The following TRIM71 variants were observed in gnomAD, a reference collection of about 807,000 sequenced individuals.
TRIM71 encodes tripartite motif containing 71, also known as E3 ubiquitin-protein ligase TRIM71.
A neutral mutation model predicts 61.2 loss-of-function variants in TRIM71; 9 were observed. That is an observed-to-expected ratio of 0.15 (90% CI 0.09 to 0.26). The LOEUF (loss-of-function observed/expected upper bound fraction) is 0.26, where lower values mean the gene tolerates loss of function less well. Among genes scored for constraint, TRIM71 ranks in the 10% least tolerant of loss-of-function variants. The pLI is 1.00. For missense variants in TRIM71, 998 were observed against 1,238.7 expected (o/e 0.81, Z 2.92); for synonymous variants, 645 against 553.2 (o/e 1.17, Z -2.33).
At chr3:32,837,484 C>G (rs1696347172) in intron 1 of TRIM71, among the ~76,000 whole-genome samples, 1 of 152,122 alleles carries the variant, frequency 6.6e-6, no homozygotes, top group Admixed American at 6.6e-5. Context: ...GTTGCAATGT[C>G]TTGATGTCCT....
chr3:32,844,099 C>T (rs1293237589), intron 1 of TRIM71, among the ~76,000 whole-genome samples: 1 of 152,136 alleles, frequency 6.6e-6, no homozygotes, highest in Non-Finnish European at 1.5e-5. Flanking sequence ...TTTCTCGCGT[C>T]GTCGTTATTT....
chr3:32,838,230 T>G (rs949847389), intron 1 of TRIM71, among the ~76,000 whole-genome samples: 8 of 152,118 alleles, frequency 5.3e-5, no homozygotes, highest in African/African-American at 1.9e-4. Context: ...TTATTATTAT[T>G]ATATTTTTTT....
rs1358239632 is a variant in TRIM71, at chr3:32,892,209, G to A, written c.*398G>A. ...TGGGAGGGCACTGGATGTGTGTGGT[G>A]GGGTGTATTCTGTAGATTGAGCCAA... is the stretch of plus-strand genomic sequence containing the variant. On this transcript the variant is annotated 3_prime_UTR_variant, in exon 4 of 4. Transcript: ENST00000383763. The A allele has an allele frequency of 1.2e-5, 2 of 173,400 alleles. No homozygotes were observed. Among genetic ancestry groups the A allele is most frequent in the African/African-American group, 2.4e-5 (1 of 41,596 alleles). 10.7% of individuals were successfully genotyped at this position (173,400 alleles called of 1,614,324 possible).
chr3:32,885,533 G>A lies in TRIM71; in HGVS notation c.1021-401G>A, dbSNP rs567744050. Among the ~76,000 whole-genome samples the A allele has an allele frequency of 3.1e-4, 47 of 152,306 alleles. No individual in the cohort carries two copies. The South Asian group carries it at 8.9e-3, about 29-fold the overall frequency. ...CGTAAGGGATGTTCCTGGCCTGCGG[G>A]GTTTCGCCTAGGCAGAGGGTGAGGC... On this transcript the variant is annotated intron_variant, in intron 2 of 3. Transcript: ENST00000383763.
chr3:32,872,397 C>T (rs1327211164), intron 1 of TRIM71, among the ~76,000 whole-genome samples: 1 of 152,064 alleles, frequency 6.6e-6, no homozygotes, highest in Non-Finnish European at 1.5e-5. Flanking sequence ...CTAGTGGACA[C>T]ACTTTATGTG....
At chr3:32,837,938 TG>T (rs1575344382) in intron 1 of TRIM71, among the ~76,000 whole-genome samples, 1 of 152,348 alleles carries the variant, frequency 6.6e-6, no homozygotes, top group East Asian at 1.9e-4. Context: ...CAGGGCACAT[TG>T]TTTTCCTCTG....
intron 1 of TRIM71, among the ~76,000 whole-genome samples, chr3:32,848,655 C>T (rs1696504335): frequency 6.6e-6 from 1 of 152,128 alleles, no homozygotes; most frequent in South Asian, 2.1e-4. Flanking sequence ...TTATTTTTCC[C>T]TTGAGCCAGG....
chr3:32,885,396 C>G (rs145219894), intron 2 of TRIM71, among the ~76,000 whole-genome samples: 1 of 152,100 alleles, frequency 6.6e-6, no homozygotes, highest in Non-Finnish European at 1.5e-5. Flanking sequence ...TTAGGTAGAT[C>G]GGGGGATATT....
chr3:32,886,521 G>A (rs1477812350), intron 3 of TRIM71, among the ~76,000 whole-genome samples: 3 of 152,014 alleles, frequency 2.0e-5, no homozygotes, highest in Admixed American at 2.0e-4. Flanking sequence ...AAAGAGTGCC[G>A]AGCACACTAG....
rs1696120419 is a variant in TRIM71, at chr3:32,820,948, G to A, written c.852+2016G>A. 2.0e-5 allele frequency among the ~76,000 whole-genome samples: 3 copies of A among 152,224 alleles called. No homozygotes were observed. The South Asian group carries it at 6.2e-4, about 32-fold the overall frequency. On this transcript the variant is annotated intron_variant, in intron 1 of 3. Transcript: ENST00000383763. The stretch of plus-strand genomic sequence containing the variant: ...TTTAGCTTTTCATTAAAAACATTTC[G>A]GAAGTTGTTTGGCCTTTTTATTCAT...
At chr3:32,838,021 AAC>A (rs1359110468) in intron 1 of TRIM71, among the ~76,000 whole-genome samples, 1 of 152,088 alleles carries the variant, frequency 6.6e-6, no homozygotes, top group Non-Finnish European at 1.5e-5. Flanking sequence ...TTGCTCAATC[AAC>A]ACACTTTTCA....
At chr3:32,877,324 G>C (rs367582406) in intron 2 of TRIM71, among the ~76,000 whole-genome samples, 6 of 151,926 alleles carry the variant, frequency 3.9e-5, no homozygotes, top group Non-Finnish European at 5.9e-5. Flanking sequence ...GGCTGGTCTC[G>C]AACTCTTGAC....
chr3:32,833,634 T>TTTTTTTTATTTATTTA (rs1553643715), intron 1 of TRIM71, among the ~76,000 whole-genome samples: 15 of 146,788 alleles, frequency 1.0e-4, no homozygotes, highest in African/African-American at 3.3e-4. Flanking sequence ...GAGAATGCTT[T>TTTTTTTTATTTATTTA]TTTATTTATT....
chr3:32,877,136 C>T (rs1696858943), intron 2 of TRIM71, among the ~76,000 whole-genome samples: 3 of 152,076 alleles, frequency 2.0e-5, no homozygotes, highest in Admixed American at 2.0e-4. Flanking sequence ...TTAAGTCTTG[C>T]TCTATCGCCC....
intron 1 of TRIM71, among the ~76,000 whole-genome samples, chr3:32,826,863 C>T (rs1696209135): frequency 6.6e-6 from 1 of 151,814 alleles, no homozygotes; most frequent in Non-Finnish European, 1.5e-5. Context: ...CCTGGGTTCA[C>T]GCCATCCTCC....
chr3:32,881,724 A>G (rs1349027949), intron 2 of TRIM71, among the ~76,000 whole-genome samples: 2 of 152,230 alleles, frequency 1.3e-5, no homozygotes, highest in Non-Finnish European at 2.9e-5. Flanking sequence ...CAGCCTTTCT[A>G]CATTGTCATT....
In TRIM71 at chr3:32,891,104, A is replaced by C. The variant is rs1358440086; in HGVS notation, c.1900A>C (p.Lys634Gln). The C allele has an allele frequency of 6.2e-7, 1 of 1,611,670 alleles. No individual in the cohort carries two copies. The highest frequency in any genetic ancestry group is 8.5e-7 in the Non-Finnish European group (1 of 1,180,002). ...CAGCAACAACCGCATCCAGGTGTTCAAGCCCTGCGGCGCCTTCCACCACAA... is the reference window on the plus strand; with the variant it reads ...CAGCAACAACCGCATCCAGGTGTTCCAGCCCTGCGGCGCCTTCCACCACAA... ...DRSNNRIQVFKPCGAFHHKFG... is the reference protein window; with the variant it reads ...DRSNNRIQVFQPCGAFHHKFG... The change falls in exon 4 of 4, where the codon AAG (lysine) becomes CAG (glutamine). Residue 634 changes from lysine to glutamine, a missense_variant. By Grantham distance (53) the Lys-to-Gln change is moderately conservative. This residue lies in a region of TRIM71 where 83 missense variants were observed against 202.7 expected (regional missense o/e 0.41). Transcript: ENST00000383763. The surrounding 1 kb of genome is among the most constrained non-coding windows in gnomAD (Gnocchi z 8.2).
intron 1 of TRIM71, among the ~76,000 whole-genome samples, chr3:32,869,044 G>A (rs903931610): frequency 1.3e-5 from 2 of 152,230 alleles, no homozygotes; most frequent in African/African-American, 4.8e-5. Context: ...TTATTTCATG[G>A]CTAGATTTTA....
chr3:32,891,891 T>C lies in TRIM71; in HGVS notation c.*80T>C, dbSNP rs1242734709. ...CTCTCTCTTTCTCTTTCTCTCTCTTTTTGAATTTCAAAGAAGAAACAGTCT... is the reference window on the plus strand; with the variant it reads ...CTCTCTCTTTCTCTTTCTCTCTCTTCTTGAATTTCAAAGAAGAAACAGTCT... On this transcript the variant is annotated 3_prime_UTR_variant, in exon 4 of 4. Transcript: ENST00000383763. This position sits in a 1 kb window ranked among gnomAD's most constrained non-coding sequence, Gnocchi z 8.2. 5 of 1,517,538 alleles carry C rather than the reference T, an allele frequency of 3.3e-6. No individual in the cohort carries two copies. Among genetic ancestry groups the C allele is most frequent in the Non-Finnish European group, 4.4e-6 (5 of 1,139,908 alleles). 94.0% of individuals were successfully genotyped at this position (1,517,538 alleles called of 1,614,324 possible).
Sources: gnomAD v4.1 joint callset for allele counts (sites outside exome capture counted in the v4.1 genomes callset) on GRCh38, gnomAD v4.1.1 for gene constraint, gnomAD v4.1.1 regional missense constraint, Gnocchi (gnomAD v3.1) non-coding constraint, MANE v1.5 for transcripts, NCBI Gene and HGNC (gene_info 2026-07-23, HGNC 2026-07-21) for gene names.